Variants in TMEM135 observed in about 807,000 individuals in gnomAD.
TMEM135 encodes transmembrane protein 135.
A neutral mutation model predicts 60.3 loss-of-function variants in TMEM135; 30 were observed. The ratio of observed to expected loss-of-function variants is 0.50; its 90% CI spans 0.37 to 0.68. TMEM135 has a LOEUF of 0.68. Among genes scored for constraint, TMEM135 ranks in the 30% least tolerant of loss-of-function variants. The pLI, the probability that TMEM135 is intolerant of heterozygous loss-of-function variation, is 0.00. For missense variants in TMEM135, 468 were observed against 548.8 expected (o/e 0.85, Z 1.47); for synonymous variants, 190 against 186.7 (o/e 1.02, Z -0.14).
chr11:87,247,722 G>T (rs897522609), intron 6 of TMEM135, among the ~76,000 whole-genome samples: 4 of 152,182 alleles, frequency 2.6e-5, no homozygotes, highest in Non-Finnish European at 4.4e-5. Flanking sequence ...CGCAGTATTA[G>T]GGTGGGAGTG....
At chr11:87,194,937 A>G (rs1207650644) in intron 5 of TMEM135, among the ~76,000 whole-genome samples, 2 of 152,220 alleles carry the variant, frequency 1.3e-5, no homozygotes, top group South Asian at 4.1e-4. Context: ...TGATGCATAT[A>G]TGTTACTTAA....
At chr11:87,178,354 A>G (rs1939432798) in intron 5 of TMEM135, 34 of 454,130 alleles carry the variant, frequency 7.5e-5, no homozygotes, top group South Asian at 5.3e-4. Context: ...GCCACAATCT[A>G]AACTCTCTTT....
At chr11:87,124,468 G>T (rs994582690) in intron 4 of TMEM135, among the ~76,000 whole-genome samples, 1 of 152,126 alleles carries the variant, frequency 6.6e-6, no homozygotes, top group African/African-American at 2.4e-5. Flanking sequence ...GTGGGAGGCC[G>T]CAGGGGAAGG....
chr11:87,319,065 C>T, intron 13 of TMEM135: 1 of 427,602 alleles, frequency 2.3e-6, no homozygotes. Context: ...GACGGGTTTT[C>T]TCCATGTTGG....
chr11:87,233,521 T>C (rs1940932146), intron 5 of TMEM135, among the ~76,000 whole-genome samples: 1 of 152,088 alleles, frequency 6.6e-6, no homozygotes, highest in Non-Finnish European at 1.5e-5. Context: ...TTATTTTGCT[T>C]ATGATGATTA....
chr11:87,079,311 T>C (rs975308631), intron 3 of TMEM135, among the ~76,000 whole-genome samples: 3 of 152,228 alleles, frequency 2.0e-5, no homozygotes, highest in African/African-American at 4.8e-5. Flanking sequence ...TGGCCATGTT[T>C]TCTTTTAAAA....
intron 3 of TMEM135, among the ~76,000 whole-genome samples, chr11:87,083,296 G>C (rs887610203): frequency 6.6e-6 from 1 of 152,198 alleles, no homozygotes; most frequent in Non-Finnish European, 1.5e-5. Flanking sequence ...TAGTTTATCT[G>C]TAGGAGGGCT....
At chr11:87,059,198 A>T (rs1017172369) in intron 1 of TMEM135, among the ~76,000 whole-genome samples, 7 of 152,146 alleles carry the variant, frequency 4.6e-5, no homozygotes, top group Non-Finnish European at 8.8e-5. Flanking sequence ...CGGCCTCCCA[A>T]AGTGCTGACG....
chr11:87,130,601 A>T (rs1188848692), intron 4 of TMEM135, among the ~76,000 whole-genome samples: 1 of 152,130 alleles, frequency 6.6e-6, no homozygotes, highest in Non-Finnish European at 1.5e-5. Context: ...TATCATTATC[A>T]ATGACTCTTG....
intron 4 of TMEM135, among the ~76,000 whole-genome samples, chr11:87,154,079 T>C (rs1035263966): frequency 1.3e-5 from 2 of 152,198 alleles, no homozygotes; most frequent in African/African-American, 4.8e-5. Context: ...CTACTATCCA[T>C]CTCCAGAACT....
At chr11:87,228,309 C>A (rs928277709) in intron 5 of TMEM135, among the ~76,000 whole-genome samples, 5 of 152,086 alleles carry the variant, frequency 3.3e-5, no homozygotes, top group African/African-American at 9.7e-5. Context: ...CTGTTTTATT[C>A]AAGATCATGA....
intron 5 of TMEM135, among the ~76,000 whole-genome samples, chr11:87,171,912 C>G (rs1403099018): frequency 2.0e-5 from 3 of 152,160 alleles, no homozygotes; most frequent in African/African-American, 7.2e-5. Flanking sequence ...TGAGGATCTG[C>G]TGCCACAGCT....
At chr11:87,100,589 A>C (rs1200824256) in intron 4 of TMEM135, among the ~76,000 whole-genome samples, 1 of 152,146 alleles carries the variant, frequency 6.6e-6, no homozygotes, top group Non-Finnish European at 1.5e-5. Flanking sequence ...GATTTGGAAA[A>C]TAAAGAGGAA....
chr11:87,126,510 G>T (rs1262281857), intron 4 of TMEM135, among the ~76,000 whole-genome samples: 1 of 151,500 alleles, frequency 6.6e-6, no homozygotes, highest in Non-Finnish European at 1.5e-5. Flanking sequence ...AGTATACTGT[G>T]TTCTTTTTTT....
intron 5 of TMEM135, among the ~76,000 whole-genome samples, chr11:87,178,960 TA>T (rs58742345): frequency 1.3e-5 from 2 of 151,268 alleles, no homozygotes; most frequent in East Asian, 1.9e-4. Context: ...GAATAATGCT[TA>T]AAAAAAAAGT....
chr11:87,082,198 T>G (rs1268204990), intron 3 of TMEM135, among the ~76,000 whole-genome samples: 1 of 152,234 alleles, frequency 6.6e-6, no homozygotes, highest in Non-Finnish European at 1.5e-5. Context: ...TTTAAAACTC[T>G]TTAAATCTCT....
chr11:87,064,380 C>T (rs1230476528), intron 1 of TMEM135, among the ~76,000 whole-genome samples: 2 of 151,694 alleles, frequency 1.3e-5, no homozygotes, highest in East Asian at 1.9e-4. Flanking sequence ...TATCCAGTTT[C>T]TCCCAATTGT....
intron 3 of TMEM135, among the ~76,000 whole-genome samples, chr11:87,089,323 C>T (rs1857159526): frequency 6.6e-6 from 1 of 152,124 alleles, no homozygotes; most frequent in Admixed American, 6.6e-5. Context: ...TGGCCTAAAT[C>T]CAGAAACTTG....
intron 7 of TMEM135, among the ~76,000 whole-genome samples, chr11:87,299,850 A>G (rs561141124): frequency 3.7e-4 from 57 of 152,320 alleles, no homozygotes; most frequent in African/African-American, 1.3e-3. Context: ...ATTTGCACAA[A>G]ATTACTTATA....
Sources: gnomAD v4.1 joint callset for allele counts (sites outside exome capture counted in the v4.1 genomes callset) on GRCh38, gnomAD v4.1.1 for gene constraint, MANE v1.5 for transcripts, NCBI Gene and HGNC (gene_info 2026-07-23, HGNC 2026-07-21) for gene names.